Variants in TANK observed in about 807,000 individuals in gnomAD.
The protein encoded by TANK is TRAF family member associated NFKB activator.
A neutral mutation model predicts 43.6 loss-of-function variants in TANK; 15 were observed. The ratio of observed to expected loss-of-function variants is 0.34; its 90% confidence interval spans 0.23 to 0.53. The LOEUF (loss-of-function observed/expected upper bound fraction) is 0.53, where lower values mean the gene tolerates loss of function less well. Among genes scored for constraint, TANK ranks in the 20% least tolerant of loss-of-function variants. The pLI, the probability that TANK is intolerant of heterozygous loss-of-function variation, is 0.94. For missense variants in TANK, 417 were observed against 498.6 expected, an observed-to-expected ratio of 0.84 and a Z score of 1.56; for synonymous variants, 162 against 178.2, an observed-to-expected ratio of 0.91 and a Z score of 0.73.
chr2:161,147,476 G>A (rs1346681136), intron 1 of TANK, among the ~76,000 whole-genome samples: 2 of 152,176 alleles, frequency 1.3e-5, no homozygotes, highest in Non-Finnish European at 2.9e-5. Flanking sequence ...CTTCTGACCT[G>A]TGGGTTGCAC....
chr2:161,193,632 G>C (rs1686016714), intron 2 of TANK, among the ~76,000 whole-genome samples: 1 of 152,170 alleles, frequency 6.6e-6, no homozygotes, highest in Admixed American at 6.5e-5. Flanking sequence ...GGCTAGTAAG[G>C]CAGCTCTACC....
chr2:161,160,326 C>CG, upstream of TANK: 1 of 825,940 alleles, frequency 1.2e-6, no homozygotes. Flanking sequence ...TGGGGCAGGG[C>CG]GGAAGGGCCC....
intron 2 of TANK, chr2:161,180,009 G>A: frequency 2.6e-6 from 3 of 1,157,552 alleles, no homozygotes; most frequent in Non-Finnish European, 2.1e-6. Flanking sequence ...TGTGAATGTT[G>A]TCTTCCATAA....
intron 2 of TANK, chr2:161,179,973 C>T: frequency 8.1e-7 from 1 of 1,238,276 alleles, no homozygotes; most frequent in Non-Finnish European, 1.0e-6. Flanking sequence ...ATTTGATGGG[C>T]TCCTTTTCAG....
chr2:161,189,090 T>C (rs1258798590), intron 2 of TANK, among the ~76,000 whole-genome samples: 8 of 152,212 alleles, frequency 5.3e-5, no homozygotes, highest in Admixed American at 5.2e-4. Flanking sequence ...TATTCTGCTA[T>C]AGCAGCACAA....
At position 161,217,812 on chromosome 2, in the gene TANK, G is replaced by C. The variant is rs111812270; in HGVS notation, c.328-6103G>C. On this transcript the variant is annotated intron_variant, in intron 4 of 7. Coordinates refer to ENST00000392749, the MANE Select transcript of TANK (RefSeq NM_001199135.3). ...CAGAAAATATGACCCAGTTATAAGAGAACAGACATCAACCCTAAGATGATT... is the reference window on the plus strand; with the variant it reads ...CAGAAAATATGACCCAGTTATAAGACAACAGACATCAACCCTAAGATGATT... 7.2e-5 allele frequency among the ~76,000 whole-genome samples: 11 copies of C among 152,044 alleles called. 1 individual carries two copies. Among genetic ancestry groups the C allele is most frequent in the African/African-American group, 2.7e-4 (11 of 41,474 alleles).
chr2:161,147,537 C>T (rs958643841), intron 1 of TANK, among the ~76,000 whole-genome samples: 1 of 152,226 alleles, frequency 6.6e-6, no homozygotes, highest in African/African-American at 2.4e-5. Flanking sequence ...CACTCACTCA[C>T]TGCCTCCCTT....
intron 3 of TANK, 87 bp downstream of exon 3, chr2:161,203,682 G>A (rs898167516): frequency 2.3e-5 from 18 of 769,572 alleles, no homozygotes; most frequent in Middle Eastern, 2.5e-4. Context: ...TTATTCCTTC[G>A]TTGTTTCTCA....
chr2:161,174,074 T>G (rs1456315849), intron 1 of TANK, among the ~76,000 whole-genome samples: 1 of 152,144 alleles, frequency 6.6e-6, no homozygotes, highest in African/African-American at 2.4e-5. Context: ...GAGGAACAAA[T>G]AACATATCTT....
At chr2:161,232,004 T>C (rs1687932385) in intron 7 of TANK, among the ~76,000 whole-genome samples, 1 of 152,228 alleles carries the variant, frequency 6.6e-6, no homozygotes, top group Admixed American at 6.5e-5. Context: ...ATAAGTGAAC[T>C]ATCTTTCAGT....
chr2:161,218,348 A>G (rs1204648252), intron 4 of TANK, among the ~76,000 whole-genome samples: 1 of 152,084 alleles, frequency 6.6e-6, no homozygotes, highest in Non-Finnish European at 1.5e-5. Context: ...TTTATCTCCA[A>G]CCCTATGCTG....
At chr2:161,139,439 C>CA (rs1344374377) in intron 1 of TANK, among the ~76,000 whole-genome samples, 1 of 152,158 alleles carries the variant, frequency 6.6e-6, no homozygotes, top group Non-Finnish European at 1.5e-5. Context: ...TCATTAGAGA[C>CA]AACTGTATGG....
chr2:161,159,611 T>C (rs1684318323), upstream of TANK, among the ~76,000 whole-genome samples: 1 of 152,224 alleles, frequency 6.6e-6, no homozygotes, highest in South Asian at 2.1e-4. Context: ...GGTTTTTAAA[T>C]CCTTGGACTT....
In TANK at chr2:161,203,543, G is replaced by T; in HGVS notation, c.156G>T (p.Gln52His). The T allele has an allele frequency of 6.2e-7, 1 of 1,612,426 alleles. No individual in the cohort carries two copies. The highest frequency in any genetic ancestry group is 8.5e-7 in the Non-Finnish European group (1 of 1,179,432). ...REQQEQLSLQQTIIDKLKSQL... is the reference protein window; with the variant it reads ...REQQEQLSLQHTIIDKLKSQL... Reference sequence around the variant, plus strand: ...AACAGGAACAGCTGTCACTTCAACAGACTATTATTGACAAGCTAAAATCTC... The same window carrying T: ...AACAGGAACAGCTGTCACTTCAACATACTATTATTGACAAGCTAAAATCTC... The change falls in exon 3 of 8, where the codon CAG becomes CAT. Residue 52 changes from glutamine to histidine, a missense_variant. By Grantham distance (24) the Gln-to-His change is conservative. Transcript: ENST00000392749.
chr2:161,217,473 G>T (rs765180955), intron 4 of TANK, among the ~76,000 whole-genome samples: 3 of 151,946 alleles, frequency 2.0e-5, no homozygotes, highest in Non-Finnish European at 4.4e-5. Context: ...CCATCATCAG[G>T]ACAAAACCAT....
intron 1 of TANK, among the ~76,000 whole-genome samples, chr2:161,174,537 T>C (rs1685095057): frequency 6.6e-6 from 1 of 152,180 alleles, no homozygotes; most frequent in African/African-American, 2.4e-5. Flanking sequence ...ATGATATCAT[T>C]TATGAGGAAA....
intron 4 of TANK, among the ~76,000 whole-genome samples, chr2:161,213,796 T>C (rs969865429): frequency 1.3e-5 from 2 of 152,014 alleles, no homozygotes; most frequent in African/African-American, 4.8e-5. Context: ...TTAGCGATTG[T>C]GGATAGTCTT....
intron 7 of TANK, chr2:161,232,700 C>A (rs1316944698): frequency 1.3e-6 from 2 of 1,525,606 alleles, no homozygotes; most frequent in African/African-American, 2.8e-5. Flanking sequence ...TTACTTTTTT[C>A]TCTATTATAT....
chr2:161,169,271 C>T (rs1684835616), intron 1 of TANK, among the ~76,000 whole-genome samples: 1 of 152,018 alleles, frequency 6.6e-6, no homozygotes, highest in African/African-American at 2.4e-5. Context: ...CCTGACGTGT[C>T]TGAATATATT....
Sources: gnomAD v4.1 joint callset for allele counts (sites outside exome capture counted in the v4.1 genomes callset) on GRCh38, gnomAD v4.1.1 for gene constraint, MANE v1.5 for transcripts, NCBI Gene and HGNC (gene_info 2026-07-23, HGNC 2026-07-21) for gene names.